IPP: variants seen among roughly 807,000 people sequenced by gnomAD.
The protein encoded by IPP is actin-binding protein IPP.
IPP carries 41 observed loss-of-function variants against 64.1 expected under a neutral mutation model. The ratio of observed to expected loss-of-function variants is 0.64; its 90% CI spans 0.50 to 0.83. The LOEUF (loss-of-function observed/expected upper bound fraction) is 0.83. Among genes scored for constraint, IPP ranks in the 40% least tolerant of loss-of-function variants. The pLI is 0.00. For missense variants in IPP, 649 were observed against 703.0 expected, an observed-to-expected ratio of 0.92 and a Z score of 0.87; for synonymous variants, 214 against 235.2, an observed-to-expected ratio of 0.91 and a Z score of 0.83.
chr1:45,705,756 A>G (rs1288211533), intron 8 of IPP, among the ~76,000 whole-genome samples: 1 of 152,198 alleles, frequency 6.6e-6, no homozygotes, highest in African/African-American at 2.4e-5. Flanking sequence ...CAGTGAGCCA[A>G]GACTGCCCCA....
intron 3 of IPP, among the ~76,000 whole-genome samples, chr1:45,734,757 A>G (rs994353880): frequency 2.4e-4 from 36 of 150,874 alleles, no homozygotes; most frequent in African/African-American, 8.8e-4. Context: ...GTGGCTGGGA[A>G]TACAGACATG....
At chr1:45,722,248 C>T (rs28862324) in intron 5 of IPP, among the ~76,000 whole-genome samples, 42,664 of 151,356 alleles carry the variant, frequency 0.28, 6,120 homozygotes, top group South Asian at 0.36. Context: ...AGTGAGACTC[C>T]GTTTCAAAAA....
intron 8 of IPP, 94 bp downstream of exon 8, chr1:45,714,152 T>C: frequency 1.1e-6 from 1 of 887,336 alleles, no homozygotes; most frequent in East Asian, 2.6e-5. Flanking sequence ...CCACGAATGA[T>C]CAATATCATG....
Position 45,719,313 on chromosome 1 carries a change from C to T in IPP, c.1076G>A (p.Cys359Tyr). The change falls in exon 6 of 9, where the codon TGT (cysteine) becomes TAT (tyrosine). Residue 359 changes from cysteine (C) to tyrosine (Y), a missense_variant. Cys to Tyr is a radical substitution (Grantham distance 194, BLOSUM62 -2). Transcript: ENST00000396478. ...GGEKDSMIFD[C>Y]TECYDPVTKQ... Reference sequence around the variant, plus strand: ...AGTAACTGGATCATAGCATTCAGTACAATCAAAAATCATTGAATCCTTTTC... The same window carrying T: ...AGTAACTGGATCATAGCATTCAGTATAATCAAAAATCATTGAATCCTTTTC... The T allele has an allele frequency of 6.3e-7, 1 of 1,596,636 alleles. No individual in the cohort carries two copies. The highest frequency in any genetic ancestry group is 8.5e-7 in the Non-Finnish European group (1 of 1,172,278).
intron 3 of IPP, 93 bp downstream of exon 3, chr1:45,740,808 A>T: frequency 1.3e-6 from 1 of 750,308 alleles, no homozygotes; most frequent in Non-Finnish European, 2.1e-6. Flanking sequence ...AATGTCTGTT[A>T]CTGAACCAAA....
intron 6 of IPP, among the ~76,000 whole-genome samples, chr1:45,717,489 C>T (rs968064198): frequency 1.3e-5 from 2 of 150,880 alleles, no homozygotes; most frequent in Admixed American, 1.3e-4. Context: ...CCCACAATAA[C>T]ATTTTCTTAA....
intron 3 of IPP, 112 bp downstream of exon 3, chr1:45,740,789 C>A (rs1006143232): frequency 6.7e-6 from 4 of 595,912 alleles, no homozygotes; most frequent in Admixed American, 7.1e-5. Flanking sequence ...AAAGAGTAAT[C>A]ATTCAATAAA....
intron 7 of IPP, among the ~76,000 whole-genome samples, chr1:45,715,517 T>C (rs939190667): frequency 4.0e-5 from 6 of 151,734 alleles, no homozygotes; most frequent in African/African-American, 9.7e-5. Context: ...GGTGGGCGCC[T>C]GTAGTCCCAG....
chr1:45,740,529 G>A (rs984322870), intron 3 of IPP, among the ~76,000 whole-genome samples: 1 of 152,058 alleles, frequency 6.6e-6, no homozygotes, highest in African/African-American at 2.4e-5. Context: ...TCCCAGACAG[G>A]GCGGCTGGCC....
chr1:45,723,400 G>C (rs570545863), intron 5 of IPP, among the ~76,000 whole-genome samples: 185 of 152,298 alleles, frequency 1.2e-3, no homozygotes, highest in African/African-American at 4.2e-3. Flanking sequence ...AGTCATAGCA[G>C]TTTTGAAGAG....
intron 1 of IPP, among the ~76,000 whole-genome samples, chr1:45,747,864 A>AC (rs1646161310): frequency 7.0e-6 from 1 of 142,450 alleles, no homozygotes; most frequent in Non-Finnish European, 1.5e-5. Context: ...AAAAAAAAAA[A>AC]AAACCATGAG....
At chr1:45,743,241 T>C (rs1276533139) in intron 2 of IPP, among the ~76,000 whole-genome samples, 1 of 151,472 alleles carries the variant, frequency 6.6e-6, no homozygotes. Context: ...CCCATCTTTT[T>C]TTTTTTTTTT....
chr1:45,745,712 A>C (rs1420347592), intron 2 of IPP, among the ~76,000 whole-genome samples: 1 of 151,764 alleles, frequency 6.6e-6, no homozygotes, highest in Non-Finnish European at 1.5e-5. Flanking sequence ...AAAAAAAAAA[A>C]AAAATTAGCC....
chr1:45,727,681 C>A lies in IPP; in HGVS notation c.998G>T (p.Arg333Leu). The A allele has an allele frequency of 6.3e-7, 1 of 1,595,236 alleles. No individual in the cohort carries two copies. The highest frequency in any genetic ancestry group is 8.6e-7 in the Non-Finnish European group (1 of 1,165,968). Residue 333 changes from arginine (R) to leucine (L), a missense_variant, in exon 5 of 9, where the codon CGA (arginine) becomes CTA (leucine). Coordinates refer to ENST00000396478, the MANE Select transcript of IPP (RefSeq NM_005897.3). ...WTTVSSLHQARSGLGVTVLGG... is the reference protein window; with the variant it reads ...WTTVSSLHQALSGLGVTVLGG... ...CAGAACTGTTACTCCCAGCCCACTT[C>A]GAGCCTGATGAAGTGAAGACACAGT... is the stretch of plus-strand genomic sequence containing the variant.
downstream of IPP, chr1:45,697,955 C>G (rs1403139690): frequency 7.0e-6 from 1 of 142,590 alleles, no homozygotes; most frequent in Non-Finnish European, 1.5e-5. Context: ...AAGACTCCAT[C>G]TAAAAAAAAA....
intron 8 of IPP, among the ~76,000 whole-genome samples, chr1:45,710,373 T>C (rs1228081273): frequency 8.5e-6 from 1 of 117,644 alleles, no homozygotes; most frequent in South Asian, 3.1e-4. Context: ...GCGCGGTGGC[T>C]CACGCCTGTA....
chr1:45,746,435 G>C lies in IPP; in HGVS notation c.-24C>G, dbSNP rs1369172051. 1.3e-6 allele frequency: 2 copies of C among 1,579,000 alleles called. No individual in the cohort carries two copies. The highest frequency in any genetic ancestry group is 8.7e-7 in the Non-Finnish European group (1 of 1,154,392). ...ATGATGACGGTAGATTAATTAAAAGGACTGTTGCCCATAATCTGTTACTAC... is the reference window on the plus strand; with the variant it reads ...ATGATGACGGTAGATTAATTAAAAGCACTGTTGCCCATAATCTGTTACTAC... On this transcript the variant is annotated 5_prime_UTR_variant, in exon 2 of 9. Transcript: ENST00000396478.
chr1:45,749,637 C>T (rs553249549), intron 1 of IPP, among the ~76,000 whole-genome samples: 1 of 151,262 alleles, frequency 6.6e-6, no homozygotes, highest in East Asian at 1.9e-4. Context: ...TCTCCTGCCT[C>T]AGCCTCCCGA....
At chr1:45,706,676 C>T (rs943124124) in intron 8 of IPP, among the ~76,000 whole-genome samples, 1 of 152,140 alleles carries the variant, frequency 6.6e-6, no homozygotes, top group African/African-American at 2.4e-5. Flanking sequence ...ATCTCGAACT[C>T]CTTACCTCAG....
Sources: allele counts gnomAD v4.1 joint callset (sites outside exome capture counted in the v4.1 genomes callset), GRCh38; gene constraint gnomAD v4.1.1; transcripts MANE v1.5; gene names NCBI Gene and HGNC (gene_info 2026-07-23, HGNC 2026-07-21).